The following GALNT13 variants were observed in gnomAD, a reference collection of about 807,000 sequenced individuals.
GALNT13 encodes UDP-GalNAc:polypeptide N-acetylgalactosaminyltransferase 13.
A neutral mutation model predicts 64.2 loss-of-function variants in GALNT13; 28 were observed. The observed-to-expected ratio is 0.44, with a 90% CI of 0.32 to 0.60. GALNT13 has a LOEUF of 0.60. GALNT13 is among the 20% of genes least tolerant of loss of function. GALNT13 has a pLI of 0.05. For missense variants in GALNT13, 577 were observed against 669.8 expected (o/e 0.86, Z 1.53); for synonymous variants, 214 against 224.6 (o/e 0.95, Z 0.42).
the GALNT13 span, among the ~76,000 whole-genome samples, chr2:153,292,859 G>T: frequency 2.6e-5 from 4 of 151,992 alleles, no homozygotes; most frequent in Non-Finnish European, 5.9e-5. Flanking sequence ...ATTTCTGTGT[G>T]TATATATATA....
At chr2:153,306,892 G>A in the GALNT13 span, among the ~76,000 whole-genome samples, 2 of 152,116 alleles carry the variant, frequency 1.3e-5, no homozygotes, top group South Asian at 2.1e-4. Flanking sequence ...ACACACCACC[G>A]TGCTCAGCTA....
At chr2:154,152,364 T>C (rs1178092875) in intron 4 of GALNT13, among the ~76,000 whole-genome samples, 1 of 152,092 alleles carries the variant, frequency 6.6e-6, no homozygotes, top group African/African-American at 2.4e-5. Context: ...GCCCTTAACA[T>C]TTTTTCCTTC....
At chr2:153,210,801 G>T in the GALNT13 span, among the ~76,000 whole-genome samples, 4 of 152,064 alleles carry the variant, frequency 2.6e-5, no homozygotes, top group Non-Finnish European at 4.4e-5. Flanking sequence ...AAATATTAAG[G>T]TTTCTATTTC....
chr2:153,380,873 G>A, the GALNT13 span, among the ~76,000 whole-genome samples: 2 of 151,950 alleles, frequency 1.3e-5, no homozygotes, highest in South Asian at 2.1e-4. Context: ...AGTGACATCA[G>A]GTTTCATATC....
intron 9 of GALNT13, among the ~76,000 whole-genome samples, chr2:154,348,545 C>T (rs1696201452): frequency 6.6e-6 from 1 of 152,002 alleles, no homozygotes; most frequent in Non-Finnish European, 1.5e-5. Context: ...AAAATGTGTT[C>T]ATTCCCTCCT....
intron 2 of GALNT13, among the ~76,000 whole-genome samples, chr2:153,902,637 G>C (rs1688312453): frequency 6.6e-6 from 1 of 152,114 alleles, no homozygotes; most frequent in African/African-American, 2.4e-5. Context: ...CAAGACCTAA[G>C]GTCATAGCAG....
intron 1 of GALNT13, among the ~76,000 whole-genome samples, chr2:153,872,629 G>GGC (rs1553448944): frequency 3.1e-5 from 2 of 65,384 alleles, no homozygotes; most frequent in African/African-American, 4.9e-5. Flanking sequence ...CGGGGGGGGG[G>GGC]GGGGGAGCGG....
chr2:153,312,073 C>A, the GALNT13 span, among the ~76,000 whole-genome samples: 7 of 152,036 alleles, frequency 4.6e-5, no homozygotes, highest in East Asian at 1.2e-3. Context: ...TGTAAATTGC[C>A]AAAGTGATTT....
chr2:153,471,597 C>G, the GALNT13 span, among the ~76,000 whole-genome samples: 2 of 152,142 alleles, frequency 1.3e-5, no homozygotes, highest in African/African-American at 4.8e-5. Flanking sequence ...AGAGATTTTA[C>G]TTGATAGGTT....
chr2:153,637,990 G>A, the GALNT13 span, among the ~76,000 whole-genome samples: 1 of 152,122 alleles, frequency 6.6e-6, no homozygotes, highest in Non-Finnish European at 1.5e-5. Context: ...AAGGTGAGAC[G>A]TGGAAAGGGG....
chr2:153,860,449 C>G, the GALNT13 span, among the ~76,000 whole-genome samples: 5 of 150,366 alleles, frequency 3.3e-5, no homozygotes, highest in Non-Finnish European at 7.4e-5. Context: ...CTTCTATCCT[C>G]TTTTACTATT....
chr2:154,174,519 T>C (rs921183173), intron 4 of GALNT13, among the ~76,000 whole-genome samples: 8 of 152,118 alleles, frequency 5.3e-5, no homozygotes, highest in Admixed American at 2.0e-4. Flanking sequence ...TTTAATGAAA[T>C]AGATACACAC....
chr2:153,260,695 C>G, the GALNT13 span, among the ~76,000 whole-genome samples: 1 of 152,212 alleles, frequency 6.6e-6, no homozygotes, highest in Middle Eastern at 3.4e-3. Flanking sequence ...GTTGAATGTG[C>G]TTGGTGTTCT....
chr2:154,395,859 G>C, intron 9 of GALNT13, 132 bp from the exon 10 acceptor site: 1 of 642,250 alleles, frequency 1.6e-6, no homozygotes. Context: ...AAATCCAGTG[G>C]AGTAGCAGCT....
At chr2:153,516,967 T>C in the GALNT13 span, among the ~76,000 whole-genome samples, 1 of 152,012 alleles carries the variant, frequency 6.6e-6, no homozygotes. Context: ...TTCTCCACTC[T>C]TTATTTTTTA....
At chr2:153,687,972 CAAGTA>C in the GALNT13 span, among the ~76,000 whole-genome samples, 1 of 151,828 alleles carries the variant, frequency 6.6e-6, no homozygotes, top group African/African-American at 2.4e-5. Flanking sequence ...CCATAGGAAA[CAAGTA>C]AATACTGGCA....
At chr2:153,905,737 C>A (rs1274025821) in intron 2 of GALNT13, among the ~76,000 whole-genome samples, 8 of 152,024 alleles carry the variant, frequency 5.3e-5, no homozygotes. Flanking sequence ...GAGCAAACAA[C>A]TTTTTCCCTT....
chr2:154,368,718 A>G (rs1255676337), intron 9 of GALNT13, among the ~76,000 whole-genome samples: 1 of 152,170 alleles, frequency 6.6e-6, no homozygotes, highest in Non-Finnish European at 1.5e-5. Flanking sequence ...TAACATCTGC[A>G]TCATACAGTT....
the GALNT13 span, among the ~76,000 whole-genome samples, chr2:153,524,982 A>G: frequency 6.6e-6 from 1 of 152,170 alleles, no homozygotes; most frequent in South Asian, 2.1e-4. Flanking sequence ...CAGCTCCAAA[A>G]GAGACCCCTT....
Sources: allele counts gnomAD v4.1 joint callset (sites outside exome capture counted in the v4.1 genomes callset), GRCh38; gene constraint gnomAD v4.1.1; transcripts MANE v1.5; gene names NCBI Gene and HGNC (gene_info 2026-07-23, HGNC 2026-07-21).